The following ZNF804B variants were observed in gnomAD, a reference collection of about 807,000 sequenced individuals.
ZNF804B encodes zinc finger 804B.
Under a neutral mutation model 101.4 loss-of-function variants are expected in ZNF804B, and 80 were observed. The ratio of observed to expected loss-of-function variants is 0.79; its 90% CI spans 0.66 to 0.95. ZNF804B has a LOEUF of 0.95. ZNF804B is among the 40% of genes least tolerant of loss of function. ZNF804B has a pLI of 0.00. For synonymous variants in ZNF804B, 622 were observed against 558.8 expected (o/e 1.11, Z -1.59); for missense variants, 1,673 against 1,561.9 (o/e 1.07, Z -1.20).
intron 1 of ZNF804B, among the ~76,000 whole-genome samples, chr7:89,095,233 G>C (rs552929086): frequency 1.3e-5 from 2 of 152,102 alleles, no homozygotes; most frequent in Non-Finnish European, 2.9e-5. Context: ...ACCGTGTGAG[G>C]ACACAGCATT....
At position 89,337,820 on chromosome 7, in the gene ZNF804B, A is replaced by T. The variant is rs1791126775; in HGVS notation, c.*788A>T. ...ACGTGCTCAGAATAACCTTTTAAAT[A>T]TATTGGTCAATCTGTCAAATATAAC... On this transcript the variant is annotated 3_prime_UTR_variant, in exon 4 of 4. Coordinates refer to ENST00000333190, the MANE Select transcript of ZNF804B (RefSeq NM_181646.5). Among the ~76,000 whole-genome samples, 1 of 152,114 alleles carries T rather than the reference A, an allele frequency of 6.6e-6. No individual in the cohort carries two copies. Among genetic ancestry groups the T allele is most frequent in the South Asian group, 2.1e-4 (1 of 4,828 alleles).
chr7:89,284,594 G>C (rs1295879658), intron 2 of ZNF804B, among the ~76,000 whole-genome samples: 2 of 152,188 alleles, frequency 1.3e-5, no homozygotes, highest in African/African-American at 4.8e-5. Context: ...TCATCAGCTG[G>C]AGAAACCTTG....
At chr7:88,940,336 A>G (rs951824059) in intron 1 of ZNF804B, among the ~76,000 whole-genome samples, 25 of 152,080 alleles carry the variant, frequency 1.6e-4, no homozygotes, top group African/African-American at 1.7e-4. Context: ...AAAAAATTAT[A>G]TGGTCTTAAA....
At chr7:88,959,422 A>G (rs748714737) in intron 1 of ZNF804B, among the ~76,000 whole-genome samples, 2 of 151,476 alleles carry the variant, frequency 1.3e-5, no homozygotes, top group Non-Finnish European at 3.0e-5. Flanking sequence ...AGAAATGTTT[A>G]TGTGTTTTTA....
intron 1 of ZNF804B, among the ~76,000 whole-genome samples, chr7:89,019,687 ATCC>A (rs1788631724): frequency 6.6e-6 from 1 of 152,004 alleles, no homozygotes; most frequent in African/African-American, 2.4e-5. Flanking sequence ...TAATTATTAT[ATCC>A]TCTTACTGAA....
intron 1 of ZNF804B, among the ~76,000 whole-genome samples, chr7:89,005,527 G>T (rs1788360200): frequency 6.6e-6 from 1 of 151,990 alleles, no homozygotes; most frequent in Non-Finnish European, 1.5e-5. Flanking sequence ...AATTACTTGA[G>T]ATAATAAAAT....
chr7:89,172,153 G>A (rs572765192), intron 1 of ZNF804B, among the ~76,000 whole-genome samples: 1 of 152,094 alleles, frequency 6.6e-6, no homozygotes, highest in Non-Finnish European at 1.5e-5. Flanking sequence ...TAGTAACTAT[G>A]ACACTCAGAG....
At chr7:88,839,105 G>A (rs1188991588) in intron 1 of ZNF804B, among the ~76,000 whole-genome samples, 1 of 151,956 alleles carries the variant, frequency 6.6e-6, no homozygotes, top group African/African-American at 2.4e-5. Flanking sequence ...GAGCCAAAAT[G>A]TTAACGTATG....
At chr7:89,261,589 T>C (rs1202859157) in intron 2 of ZNF804B, among the ~76,000 whole-genome samples, 2 of 152,174 alleles carry the variant, frequency 1.3e-5, no homozygotes, top group South Asian at 2.1e-4. Context: ...AGTTTCATCA[T>C]TGTGGGAACA....
intron 1 of ZNF804B, among the ~76,000 whole-genome samples, chr7:88,765,236 G>A (rs1789962967): frequency 6.6e-6 from 1 of 152,020 alleles, no homozygotes; most frequent in South Asian, 2.1e-4. Context: ...TTAGATATAT[G>A]ACTAAAATGA....
At chr7:89,305,887 T>C (rs1790554916) in intron 2 of ZNF804B, among the ~76,000 whole-genome samples, 1 of 152,028 alleles carries the variant, frequency 6.6e-6, no homozygotes, top group South Asian at 2.1e-4. Flanking sequence ...ATGGTAGCCA[T>C]TTTTATTCTG....
intron 1 of ZNF804B, among the ~76,000 whole-genome samples, chr7:88,820,555 T>C (rs1387107995): frequency 6.6e-6 from 1 of 152,190 alleles, no homozygotes; most frequent in Non-Finnish European, 1.5e-5. Flanking sequence ...CTGGGTGGCT[T>C]GCAGTTGTTA....
rs73705543 is a variant in ZNF804B at position 88,824,101 on chromosome 7, C to A, written c.108+64017C>A. On this transcript the variant is annotated intron_variant, in intron 1 of 3. Coordinates refer to ENST00000333190, the MANE Select transcript of ZNF804B (RefSeq NM_181646.5). The stretch of plus-strand genomic sequence containing the variant: ...GTCAAAGTACACTGGTCTGGTTTAG[C>A]CTTCTCTACAATCCCAATTTTTCTG... Among the ~76,000 whole-genome samples the A allele has an allele frequency of 2.9e-3, 443 of 152,262 alleles. 3 individuals are homozygous for A. Among genetic ancestry groups the A allele is most frequent in the African/African-American group, 0.01 (423 of 41,546 alleles).
intron 1 of ZNF804B, among the ~76,000 whole-genome samples, chr7:88,864,950 C>T (rs186335309): frequency 5.3e-5 from 8 of 152,258 alleles, no homozygotes; most frequent in South Asian, 2.1e-4. Flanking sequence ...TTAACTTGGC[C>T]GGACACAGTG....
intron 1 of ZNF804B, among the ~76,000 whole-genome samples, chr7:89,005,288 G>A (rs865833214): frequency 1.3e-5 from 2 of 152,020 alleles, no homozygotes; most frequent in Middle Eastern, 3.2e-3. Context: ...AGTGTCAGAA[G>A]CCTTGGAGGC....
At chr7:89,124,372 T>C (rs1156766851) in intron 1 of ZNF804B, among the ~76,000 whole-genome samples, 5 of 152,062 alleles carry the variant, frequency 3.3e-5, no homozygotes, top group Non-Finnish European at 7.4e-5. Context: ...GGAGAAAAGT[T>C]TGGGAAAAAG....
chr7:88,826,051 C>G (rs1791046993), intron 1 of ZNF804B, among the ~76,000 whole-genome samples: 1 of 152,088 alleles, frequency 6.6e-6, no homozygotes. Flanking sequence ...ACAGGTGATT[C>G]AAGATTGCTG....
intron 2 of ZNF804B, among the ~76,000 whole-genome samples, chr7:89,220,117 ATATATATACGCACACATATATGTG>A (rs1788977984): frequency 6.6e-5 from 1 of 15,126 alleles, no homozygotes; most frequent in Non-Finnish European, 1.9e-4. Context: ...GTGTATATAC[ATATATATACGCACACATATATGTG>A]TGTATATACA....
At chr7:89,318,804 G>C (rs964313334) in intron 2 of ZNF804B, among the ~76,000 whole-genome samples, 4 of 152,108 alleles carry the variant, frequency 2.6e-5, no homozygotes, top group Non-Finnish European at 5.9e-5. Context: ...AGCGGCGCTA[G>C]AGGAATTAAA....
Sources: gnomAD v4.1 joint callset for allele counts (sites outside exome capture counted in the v4.1 genomes callset) on GRCh38, gnomAD v4.1.1 for gene constraint, MANE v1.5 for transcripts, NCBI Gene and HGNC (gene_info 2026-07-23, HGNC 2026-07-21) for gene names.